The following CABYR variants were observed in gnomAD, a reference collection of about 807,000 sequenced individuals.
CABYR encodes calcium binding tyrosine phosphorylation regulated, also known as calcium-binding tyrosine phosphorylation-regulated protein.
CABYR carries 31 observed loss-of-function variants against 36.1 expected under a neutral mutation model. That is an observed-to-expected ratio of 0.86 (90% CI 0.64 to 1.16). CABYR has a LOEUF of 1.16. Among genes scored for constraint, CABYR ranks in the 50% most tolerant of loss-of-function variants. The probability of loss-of-function intolerance (pLI) is 0.00; values close to 1 mark genes in which losing one functional copy is unlikely to be tolerated. For missense variants in CABYR, 429 were observed against 455.8 expected, an observed-to-expected ratio of 0.94 and a Z score of 0.53; for synonymous variants, 146 against 160.7, an observed-to-expected ratio of 0.91 and a Z score of 0.69.
chr18:24,153,779 A>G (rs762939098), intron 3 of CABYR, among the ~76,000 whole-genome samples: 2 of 152,136 alleles, frequency 1.3e-5, no homozygotes, highest in Non-Finnish European at 2.9e-5. Context: ...TATCCTAAGC[A>G]TAAGAGTAAC....
chr18:24,160,598 C>A (rs1220831219), intron 5 of CABYR, among the ~76,000 whole-genome samples: 2 of 152,204 alleles, frequency 1.3e-5, no homozygotes, highest in African/African-American at 2.4e-5. Context: ...ACTCACAAAT[C>A]ATTTTTTAAT....
intron 3 of CABYR, among the ~76,000 whole-genome samples, chr18:24,152,127 T>C (rs1418525091): frequency 6.6e-6 from 1 of 152,234 alleles, no homozygotes; most frequent in Non-Finnish European, 1.5e-5. Flanking sequence ...GTTTAGGAAA[T>C]AGCCAATTTA....
At chr18:24,141,875 A>T (rs964596728) in intron 1 of CABYR, among the ~76,000 whole-genome samples, 10 of 152,148 alleles carry the variant, frequency 6.6e-5, no homozygotes, top group African/African-American at 1.9e-4. Context: ...GGTAAGGGAG[A>T]TATGAGAAAC....
chr18:24,157,153 TGA>T (rs1349430236), intron 4 of CABYR, among the ~76,000 whole-genome samples: 10 of 152,158 alleles, frequency 6.6e-5, no homozygotes, highest in Admixed American at 4.6e-4. Flanking sequence ...TTGTTGTATT[TGA>T]GATTCTACTA....
At position 24,156,766 on chromosome 18, in the gene CABYR, A is replaced by C. The variant is rs373190949; in HGVS notation, c.541+724A>C. ...GAAAAATCTCTGCACCTTGAAGTGG[A>C]GATCACTTCAATAGTCTCTGACAAT... On this transcript the variant is annotated intron_variant, in intron 4 of 5. Coordinates refer to ENST00000399496, the MANE Select transcript of CABYR (RefSeq NM_153769.3). 4.3e-6 allele frequency: 7 copies of C among 1,613,544 alleles called. No homozygotes were observed. In the African/African-American group the frequency reaches 9.3e-5, roughly 22 times the overall value.
intron 1 of CABYR, among the ~76,000 whole-genome samples, chr18:24,141,226 G>A (rs73967684): frequency 6.6e-6 from 1 of 152,310 alleles, no homozygotes; most frequent in African/African-American, 2.4e-5. Context: ...CCTGACCTTT[G>A]GGAAGATGAG....
chr18:24,144,767 C>A (rs187497310), intron 3 of CABYR, among the ~76,000 whole-genome samples: 1 of 152,272 alleles, frequency 6.6e-6, no homozygotes, highest in Non-Finnish European at 1.5e-5. Context: ...GGAGCAATAG[C>A]CCAAAAGACT....
intron 3 of CABYR, among the ~76,000 whole-genome samples, chr18:24,155,001 G>GT (rs1174331772): frequency 6.6e-6 from 1 of 152,102 alleles, no homozygotes; most frequent in Non-Finnish European, 1.5e-5. Context: ...CTTTCTTAAA[G>GT]TAAAAAAAAT....
intron 5 of CABYR, chr18:24,161,012 G>A (rs2085960253): frequency 6.5e-6 from 1 of 153,114 alleles, no homozygotes. Flanking sequence ...GCCAGCACAA[G>A]TGTTTTAAGC....
At chr18:24,161,173 G>C (rs935031950) in intron 5 of CABYR, among the ~76,000 whole-genome samples, 2 of 148,530 alleles carry the variant, frequency 1.3e-5, no homozygotes, top group Admixed American at 6.7e-5. Context: ...AAAATAATTA[G>C]TGGGAATTTT....
At chr18:24,156,989 G>C in intron 4 of CABYR, 1 of 1,597,610 alleles carries the variant, frequency 6.3e-7, no homozygotes, top group Non-Finnish European at 8.6e-7. Flanking sequence ...AATAAGGTTT[G>C]ATGAAGCCAG....
chr18:24,143,091 T>C lies in CABYR; in HGVS notation c.-24T>C. The C allele has an allele frequency of 6.4e-7, 1 of 1,563,900 alleles. No homozygotes were observed. The highest frequency in any genetic ancestry group is 8.6e-7 in the Non-Finnish European group (1 of 1,159,362). On this transcript the variant is annotated splice_region_variant and 5_prime_UTR_variant, in exon 2 of 6. Coordinates refer to ENST00000399496, the MANE Select transcript of CABYR (RefSeq NM_153769.3). ...TTCTAAGACTTTTTCTTCATTCTAG[T>C]TGAGTTACAGACATCCTGCCAAAAT...
At chr18:24,150,248 G>C (rs72881783) in intron 3 of CABYR, among the ~76,000 whole-genome samples, 14,784 of 152,312 alleles carry the variant, frequency 0.097, 1,015 homozygotes, top group Middle Eastern at 0.27. Context: ...ACCAAGAGGA[G>C]AAGCAAGGCA....
At chr18:24,147,786 C>A (rs944998240) in intron 3 of CABYR, among the ~76,000 whole-genome samples, 1 of 152,122 alleles carries the variant, frequency 6.6e-6, no homozygotes, top group Non-Finnish European at 1.5e-5. Context: ...GCATTTAACA[C>A]AATCCCCCTC....
Position 24,159,568 on chromosome 18 carries a change from C to T in CABYR, c.638C>T (p.Pro213Leu), listed in dbSNP as rs143686609. ...TDKNQQGHPS[P>L]PPAPGPFPQA... ...AAGAATCAACAAGGTCACCCATCAC[C>T]GCCACCTGCACCTGGGCCTTTTCCC... The change falls in exon 5 of 6, where the codon CCG becomes CTG. Residue 213 changes from proline (P) to leucine (L), a missense_variant. Coordinates refer to ENST00000399496, the MANE Select transcript of CABYR (RefSeq NM_153769.3). 2.4e-5 allele frequency: 38 copies of T among 1,613,912 alleles called. No homozygotes were observed. In the African/African-American group the frequency reaches 3.5e-4, roughly 15 times the overall value.
At chr18:24,147,853 A>G (rs2085497854) in intron 3 of CABYR, among the ~76,000 whole-genome samples, 1 of 152,208 alleles carries the variant, frequency 6.6e-6, no homozygotes, top group South Asian at 2.1e-4. Flanking sequence ...GAAAGCTTTC[A>G]GCTGCAAGTA....
chr18:24,151,864 A>G (rs1568461606), intron 3 of CABYR, among the ~76,000 whole-genome samples: 2 of 151,940 alleles, frequency 1.3e-5, no homozygotes, highest in East Asian at 3.9e-4. Flanking sequence ...TTATTTTTGT[A>G]TTTTTAGTAG....
intron 3 of CABYR, among the ~76,000 whole-genome samples, chr18:24,155,183 T>C (rs1306364987): frequency 6.6e-6 from 1 of 152,210 alleles, no homozygotes; most frequent in Non-Finnish European, 1.5e-5. Context: ...CCAACCTTTT[T>C]CCCCAGTTTT....
intron 3 of CABYR, among the ~76,000 whole-genome samples, chr18:24,144,249 A>G (rs2085403717): frequency 6.6e-6 from 1 of 152,126 alleles, no homozygotes; most frequent in African/African-American, 2.4e-5. Context: ...TCCCAGTGAG[A>G]GTGATGATGA....
Sources: allele counts gnomAD v4.1 joint callset (sites outside exome capture counted in the v4.1 genomes callset), GRCh38; gene constraint gnomAD v4.1.1; transcripts MANE v1.5; gene names NCBI Gene and HGNC (gene_info 2026-07-23, HGNC 2026-07-21).